The following LARGE1 variants were observed in gnomAD, a reference collection of about 807,000 sequenced individuals.
LARGE1 encodes the protein LARGE xylosyl- and glucuronyltransferase 1.
In LARGE1, 43 loss-of-function variants were observed where a neutral mutation model predicts 87.6. That is an observed-to-expected ratio of 0.49 (90% CI 0.38 to 0.63). The LOEUF (loss-of-function observed/expected upper bound fraction) is 0.63. Ranked by LOEUF, LARGE1 falls within the 30% of genes least tolerant of loss-of-function variation. The pLI is 0.00. For synonymous variants in LARGE1, 434 were observed against 394.6 expected (o/e 1.10, Z -1.18); for missense variants, 802 against 1,000.2 (o/e 0.80, Z 2.67).
chr22:33,166,958 G>A (rs577095540), intron 11 of LARGE1: 237 of 416,214 alleles, frequency 5.7e-4, no homozygotes, highest in Middle Eastern at 1.3e-3. Context: ...AAATTTCAGA[G>A]CGAAACTCCC....
chr22:33,763,030 C>G (rs1274348606), intron 1 of LARGE1, among the ~76,000 whole-genome samples: 1 of 152,200 alleles, frequency 6.6e-6, no homozygotes, highest in Non-Finnish European at 1.5e-5. Flanking sequence ...TTGGGTAACC[C>G]TTATACCGCC....
intron 2 of LARGE1, among the ~76,000 whole-genome samples, chr22:33,660,421 G>T (rs1317247554): frequency 6.6e-6 from 1 of 152,072 alleles, no homozygotes; most frequent in East Asian, 1.9e-4. Flanking sequence ...TACTAGAAAA[G>T]GTGAATAGAT....
At chr22:33,351,881 T>C (rs1258377286) in intron 9 of LARGE1, among the ~76,000 whole-genome samples, 2 of 151,764 alleles carry the variant, frequency 1.3e-5, no homozygotes, top group Non-Finnish European at 2.9e-5. Flanking sequence ...TGGGATTACA[T>C]GTGCGCGCCA....
At chr22:33,421,088 C>T (rs2066675025) in intron 7 of LARGE1, among the ~76,000 whole-genome samples, 1 of 152,002 alleles carries the variant, frequency 6.6e-6, no homozygotes, top group Admixed American at 6.6e-5. Flanking sequence ...ACTTGGGAGG[C>T]TGAGGTAGGA....
intron 1 of LARGE1, among the ~76,000 whole-genome samples, chr22:33,778,201 T>G (rs553113334): frequency 6.6e-6 from 1 of 152,326 alleles, no homozygotes; most frequent in African/African-American, 2.4e-5. Context: ...GGACTCTTGA[T>G]TCCAAGAACC....
At chr22:33,681,089 C>T (rs1199136512) in intron 2 of LARGE1, among the ~76,000 whole-genome samples, 2 of 152,134 alleles carry the variant, frequency 1.3e-5, no homozygotes, top group Non-Finnish European at 2.9e-5. Flanking sequence ...ACTATACCTG[C>T]CAGTTCCAAC....
At chr22:33,260,877 ACT>A (rs1927589037) in intron 11 of LARGE1, among the ~76,000 whole-genome samples, 1 of 152,108 alleles carries the variant, frequency 6.6e-6, no homozygotes, top group East Asian at 1.9e-4. Flanking sequence ...TGGACCCAGC[ACT>A]CATCCTGGCT....
intron 2 of LARGE1, among the ~76,000 whole-genome samples, chr22:33,694,747 G>GA: frequency 6.6e-6 from 1 of 151,934 alleles, no homozygotes; most frequent in East Asian, 1.9e-4. Flanking sequence ...TAGGGAGAAT[G>GA]AAAAAAATAG....
At chr22:33,592,965 G>A (rs1464935554) in intron 5 of LARGE1, among the ~76,000 whole-genome samples, 15 of 151,994 alleles carry the variant, frequency 9.9e-5, no homozygotes, top group Admixed American at 7.9e-4. Context: ...TCAGCCTCCC[G>A]AGTAGCTGGG....
At chr22:33,323,334 G>A (rs929354979) in intron 10 of LARGE1, among the ~76,000 whole-genome samples, 5 of 152,106 alleles carry the variant, frequency 3.3e-5, no homozygotes, top group African/African-American at 9.7e-5. Flanking sequence ...TGTGACTGGC[G>A]CAATGCTAAA....
At chr22:33,363,148 G>C (rs566245698) in intron 9 of LARGE1, among the ~76,000 whole-genome samples, 1 of 150,062 alleles carries the variant, frequency 6.7e-6, no homozygotes, top group Non-Finnish European at 1.5e-5. Flanking sequence ...AGCTGAGGGA[G>C]ACCAGGAGAG....
chr22:33,548,138 G>T (rs1263235269), intron 6 of LARGE1, among the ~76,000 whole-genome samples: 5 of 152,144 alleles, frequency 3.3e-5, no homozygotes, highest in Admixed American at 6.5e-5. Context: ...GGTTCACTGG[G>T]GTGGATCCTT....
intron 6 of LARGE1, among the ~76,000 whole-genome samples, chr22:33,462,638 G>A (rs190629549): frequency 1.5e-4 from 23 of 152,148 alleles, no homozygotes; most frequent in East Asian, 5.8e-4. Flanking sequence ...AAAATTAGCC[G>A]GGTGTGGTGG....
chr22:33,374,236 C>G (rs146738098), intron 9 of LARGE1, among the ~76,000 whole-genome samples: 3,004 of 152,226 alleles, frequency 0.02, 45 homozygotes, highest in Middle Eastern at 0.027. Flanking sequence ...TTCAAGTACC[C>G]TTTTCATCAG....
At chr22:33,108,065 T>A in the LARGE1 span, among the ~76,000 whole-genome samples, 1 of 152,192 alleles carries the variant, frequency 6.6e-6, no homozygotes, top group East Asian at 1.9e-4. Flanking sequence ...AAACGCTATA[T>A]AACCACCAAT....
intron 2 of LARGE1, among the ~76,000 whole-genome samples, chr22:33,720,091 T>C (rs1362637872): frequency 6.6e-6 from 1 of 152,198 alleles, no homozygotes; most frequent in African/African-American, 2.4e-5. Flanking sequence ...ATTTCTATTA[T>C]TATTACATTG....
chr22:33,465,273 G>A (rs2068560166), intron 6 of LARGE1, among the ~76,000 whole-genome samples: 2 of 152,144 alleles, frequency 1.3e-5, no homozygotes, highest in South Asian at 2.1e-4. Flanking sequence ...GCTTGTGATC[G>A]TGACTGTTAT....
intron 5 of LARGE1, among the ~76,000 whole-genome samples, chr22:33,581,138 A>G (rs2078506732): frequency 6.6e-6 from 1 of 152,230 alleles, no homozygotes; most frequent in African/African-American, 2.4e-5. Context: ...TATTTTACAC[A>G]TAGGAAACTA....
chr22:33,920,428 C>T lies in LARGE1; in HGVS notation c.-516G>A, dbSNP rs1218749724. Reference sequence around the variant, plus strand: ...GGCGAGACGAGCGCGGCCGCGCCCCCAGCTTCGGGCGCCCGGGCTCCGGCG... The same window carrying T: ...GGCGAGACGAGCGCGGCCGCGCCCCTAGCTTCGGGCGCCCGGGCTCCGGCG... On this transcript the variant is annotated 5_prime_UTR_variant, in exon 1 of 15. Transcript: ENST00000397394. 1 of 148,570 alleles carries T rather than the reference C, an allele frequency of 6.7e-6. No homozygotes were observed. Among genetic ancestry groups the T allele is most frequent in the Non-Finnish European group, 1.5e-5 (1 of 66,972 alleles). The allele number at this position is 148,570 out of a possible 1,614,324, so 9.2% of individuals were successfully genotyped here. A position where few individuals can be genotyped will look rare whatever the true frequency, so the allele number is the denominator to read the frequency against.
Sources: allele counts gnomAD v4.1 joint callset (sites outside exome capture counted in the v4.1 genomes callset), GRCh38; gene constraint gnomAD v4.1.1; transcripts MANE v1.5; gene names NCBI Gene and HGNC (gene_info 2026-07-23, HGNC 2026-07-21).